Variants in LARP4B observed in about 807,000 individuals in gnomAD.
The protein encoded by LARP4B is La ribonucleoprotein 4B.
Under a neutral mutation model 89.8 loss-of-function variants are expected in LARP4B, and 12 were observed. The observed-to-expected ratio is 0.13, with a 90% CI of 0.09 to 0.22. The LOEUF is 0.22. Ranked by LOEUF, LARP4B falls within the 10% of genes least tolerant of loss-of-function variation. The pLI, the probability that LARP4B is intolerant of heterozygous loss-of-function variation, is 1.00. For synonymous variants in LARP4B, 367 were observed against 363.3 expected, an observed-to-expected ratio of 1.01 and a Z score of -0.12; for missense variants, 757 against 947.7, an observed-to-expected ratio of 0.80 and a Z score of 2.64.
At chr10:945,682 C>T in the LARP4B span, among the ~76,000 whole-genome samples, 34 of 121,800 alleles carry the variant, frequency 2.8e-4, no homozygotes, top group Admixed American at 1.0e-3. Context: ...AGCGAGACTC[C>T]GTCTCAGAAA....
chr10:836,548 A>C, intron 7 of LARP4B, 42 bp from the exon 8 acceptor site: 2 of 1,241,364 alleles, frequency 1.6e-6, no homozygotes, highest in Non-Finnish European at 2.4e-6. Context: ...AAAAATATTA[A>C]AATATGATAT....
At chr10:922,683 A>G (rs1406364491) in intron 1 of LARP4B, among the ~76,000 whole-genome samples, 1 of 107,078 alleles carries the variant, frequency 9.3e-6, no homozygotes, top group South Asian at 2.4e-4. Context: ...TGTTAAATAA[A>G]TAAATAAATA....
chr10:922,927 C>T (rs766488015), intron 1 of LARP4B, among the ~76,000 whole-genome samples: 1 of 151,948 alleles, frequency 6.6e-6, no homozygotes, highest in Non-Finnish European at 1.5e-5. Flanking sequence ...ACAAAGAAAT[C>T]AGCTGGGCGT....
At chr10:830,092 G>A (rs1832823289) in intron 9 of LARP4B, among the ~76,000 whole-genome samples, 1 of 152,160 alleles carries the variant, frequency 6.6e-6, no homozygotes, top group Non-Finnish European at 1.5e-5. Context: ...TGCAGTTCAG[G>A]AAATACCAGA....
chr10:932,041 G>GTGGGCCCTGACTTCCGGAGGGC (rs1280284045), upstream of LARP4B, among the ~76,000 whole-genome samples: 2 of 150,102 alleles, frequency 1.3e-5, no homozygotes, highest in African/African-American at 4.9e-5. Flanking sequence ...GGGGGGCCGT[G>GTGGGCCCTGACTTCCGGAGGGC]TGGGCCCTGA....
At chr10:931,951 C>A (rs1164896410), upstream of LARP4B, among the ~76,000 whole-genome samples, 2 of 148,834 alleles carry the variant, frequency 1.3e-5, no homozygotes, top group Non-Finnish European at 3.0e-5. Context: ...ATCGCCCCGC[C>A]CCGCGCACGC....
rs1831832313 is a variant in LARP4B, at chr10:813,056, G to A, written c.2087C>T (p.Pro696Leu). 6.2e-7 allele frequency: 1 copy of A among 1,613,948 alleles called. No homozygotes were observed. Among genetic ancestry groups the A allele is most frequent in the South Asian group, 1.1e-5 (1 of 91,064 alleles). Reference protein sequence around the residue: ...LAEPAERYREPPALKSTPGAP... With the variant: ...LAEPAERYRELPALKSTPGAP... ...TCCAGGTGTGGACTTGAGGGCTGGG[G>A]GCTCCCGGTATCTCTCTGCGGGCTC... Residue 696 changes from proline to leucine, a missense_variant, in exon 18 of 18, where the codon CCC (proline) becomes CTC (leucine). By Grantham distance (98) the Pro-to-Leu change is moderately conservative (BLOSUM62 -3). Around this residue, in one of 5 missense-constraint regions of LARP4B, gnomAD observed 387 missense variants for 423.6 expected, o/e 0.91. Transcript: ENST00000316157.
chr10:964,698 A>G, the LARP4B span, among the ~76,000 whole-genome samples: 4 of 152,174 alleles, frequency 2.6e-5, no homozygotes, highest in Admixed American at 2.6e-4. Flanking sequence ...GACCCCTCTG[A>G]AGATAACGCT....
rs571008360 is a variant in LARP4B, at chr10:928,642, C to T, written c.-40+2786G>A. 4.6e-5 allele frequency among the ~76,000 whole-genome samples: 7 copies of T among 152,254 alleles called. No individual in the cohort carries two copies. The South Asian group carries it at 1.0e-3, about 23-fold the overall frequency. ...TGTTGTCCAGGATGGAGTGCAGTGG[C>T]AGGATCATGGCTCACTGCAGCCTCA... On this transcript the variant is annotated intron_variant, in intron 1 of 17. Coordinates refer to ENST00000316157, the MANE Select transcript of LARP4B (RefSeq NM_015155.3).
intron 3 of LARP4B, among the ~76,000 whole-genome samples, chr10:876,522 C>T (rs1249855384): frequency 6.6e-6 from 1 of 152,226 alleles, no homozygotes; most frequent in African/African-American, 2.4e-5. Context: ...TCTCCTTTGA[C>T]TCCATGTCCC....
chr10:817,568 C>A (rs946875210), intron 15 of LARP4B, among the ~76,000 whole-genome samples, 157 bp downstream of exon 15: 8 of 152,096 alleles, frequency 5.3e-5, no homozygotes, highest in Non-Finnish European at 7.4e-5. Context: ...CAAGGCTGGC[C>A]TTACTCCAAA....
the LARP4B span, among the ~76,000 whole-genome samples, chr10:966,432 G>A: frequency 0.76 from 115,864 of 152,188 alleles, 44,441 homozygotes; most frequent in East Asian, 0.9. Context: ...CTCCAGCCTC[G>A]TTGACAGAGC....
chr10:869,961 T>C (rs1377872554), intron 3 of LARP4B: 4 of 292,296 alleles, frequency 1.4e-5, no homozygotes, highest in Non-Finnish European at 2.0e-5. Context: ...AATTAAAATG[T>C]ATAGCCCAGC....
At chr10:827,040 C>CA in intron 11 of LARP4B, among the ~76,000 whole-genome samples, 1 of 152,202 alleles carries the variant, frequency 6.6e-6, no homozygotes, top group East Asian at 1.9e-4. Flanking sequence ...TTTGGGAGGC[C>CA]AAGGGGGGGC....
At chr10:826,061 C>T (rs1053799865) in intron 11 of LARP4B, among the ~76,000 whole-genome samples, 191 bp from the exon 12 acceptor site, 2 of 152,226 alleles carry the variant, frequency 1.3e-5, no homozygotes, top group African/African-American at 4.8e-5. Flanking sequence ...TTTTGTGCAT[C>T]CTTTCAGCCA....
chr10:968,677 G>A, the LARP4B span, among the ~76,000 whole-genome samples: 6,992 of 152,318 alleles, frequency 0.046, 533 homozygotes, highest in African/African-American at 0.16. Flanking sequence ...CTCAAAGAGC[G>A]AACATTCCTT....
At chr10:968,830 G>C in the LARP4B span, among the ~76,000 whole-genome samples, 2 of 152,214 alleles carry the variant, frequency 1.3e-5, no homozygotes, top group Non-Finnish European at 2.9e-5. Flanking sequence ...CACATCCTGG[G>C]GAAAGGGCTA....
intron 13 of LARP4B, 34 bp downstream of exon 13, chr10:825,031 T>C: frequency 6.4e-7 from 1 of 1,562,890 alleles, no homozygotes; most frequent in Non-Finnish European, 8.7e-7. Context: ...AATATTAGTT[T>C]ATGATGTTAC....
chr10:833,249 T>TAAAAAAAAAAAAA (rs56788542), intron 8 of LARP4B, among the ~76,000 whole-genome samples: 7 of 52,036 alleles, frequency 1.3e-4, no homozygotes, highest in Non-Finnish European at 1.6e-4. Context: ...TGATGAGCTT[T>TAAAAAAAAAAAAA]AAAAAAAAAA....
Sources: gnomAD v4.1 joint callset for allele counts (sites outside exome capture counted in the v4.1 genomes callset) on GRCh38, gnomAD v4.1.1 for gene constraint, gnomAD v4.1.1 regional missense constraint, MANE v1.5 for transcripts, NCBI Gene and HGNC (gene_info 2026-07-23, HGNC 2026-07-21) for gene names.